Variants in EFCAB11 observed in about 807,000 individuals in gnomAD.
The protein encoded by EFCAB11 is EF-hand calcium-binding domain-containing protein 11.
EFCAB11 carries 14 observed loss-of-function variants against 23.0 expected under a neutral mutation model. The observed-to-expected ratio is 0.61, with a 90% confidence interval of 0.40 to 0.95. The LOEUF (loss-of-function observed/expected upper bound fraction) is 0.95. Among genes scored for constraint, EFCAB11 ranks in the 40% least tolerant of loss-of-function variants. The probability of loss-of-function intolerance (pLI) is 0.00; values close to 1 mark genes in which losing one functional copy is unlikely to be tolerated. For synonymous variants in EFCAB11, 65 were observed against 66.6 expected (o/e 0.98, Z 0.11); for missense variants, 198 against 195.8 (o/e 1.01, Z -0.07).
At chr14:89,891,788 G>A (rs1393672767) in intron 5 of EFCAB11, among the ~76,000 whole-genome samples, 1 of 152,108 alleles carries the variant, frequency 6.6e-6, no homozygotes, top group Non-Finnish European at 1.5e-5. Flanking sequence ...GGATAGGGAC[G>A]CGGCCATGGA....
intron 5 of EFCAB11, among the ~76,000 whole-genome samples, chr14:89,819,905 A>G (rs2140100252): frequency 6.6e-6 from 1 of 152,344 alleles, no homozygotes; most frequent in Admixed American, 6.5e-5. Flanking sequence ...TAGATAAAAA[A>G]TCATTTATAC....
intron 5 of EFCAB11, among the ~76,000 whole-genome samples, chr14:89,877,779 A>G (rs1220186684): frequency 6.6e-6 from 1 of 152,180 alleles, no homozygotes; most frequent in Non-Finnish European, 1.5e-5. Flanking sequence ...GTAAATCCTA[A>G]ATACAAATCA....
At chr14:89,877,194 C>T (rs926705895) in intron 5 of EFCAB11, among the ~76,000 whole-genome samples, 1 of 152,028 alleles carries the variant, frequency 6.6e-6, no homozygotes, top group African/African-American at 2.4e-5. Context: ...TGTGTGCCAC[C>T]ACACCTGGCT....
At chr14:89,900,099 T>G (rs1453681630) in intron 5 of EFCAB11, among the ~76,000 whole-genome samples, 1 of 152,194 alleles carries the variant, frequency 6.6e-6, no homozygotes, top group Non-Finnish European at 1.5e-5. Context: ...AAGAAGGTGC[T>G]GGTTATTGTG....
intron 5 of EFCAB11, among the ~76,000 whole-genome samples, chr14:89,824,019 A>T (rs1886610407): frequency 6.6e-6 from 1 of 152,196 alleles, no homozygotes; most frequent in Non-Finnish European, 1.5e-5. Context: ...AACATTCAAA[A>T]GAATGATGGC....
chr14:89,913,428 G>A (rs1889743406), intron 5 of EFCAB11, among the ~76,000 whole-genome samples: 1 of 152,188 alleles, frequency 6.6e-6, no homozygotes, highest in Non-Finnish European at 1.5e-5. Flanking sequence ...AACCTTGGGT[G>A]AGTCACATAC....
At chr14:89,863,597 A>G (rs1887996497) in intron 5 of EFCAB11, among the ~76,000 whole-genome samples, 1 of 152,214 alleles carries the variant, frequency 6.6e-6, no homozygotes, top group African/African-American at 2.4e-5. Context: ...TTTTCTTCCC[A>G]AAGAGATCAT....
At chr14:89,845,751 T>C (rs1887411561) in intron 5 of EFCAB11, among the ~76,000 whole-genome samples, 1 of 152,156 alleles carries the variant, frequency 6.6e-6, no homozygotes, top group East Asian at 1.9e-4. Flanking sequence ...ACACTGTGAT[T>C]CTGTGCTTTA....
Position 89,812,238 on chromosome 14 carries a change from C to A in EFCAB11, c.411-14914G>T, listed in dbSNP as rs560146651. On this transcript the variant is annotated intron_variant, in intron 5 of 5. Coordinates refer to ENST00000316738, the MANE Select transcript of EFCAB11 (RefSeq NM_145231.4). ...CCAAAATATGAAATAACTAGAAATA[C>A]CTTAATAAGAAATGTGTTGAATTTA... is the stretch of plus-strand genomic sequence containing the variant. Among the ~76,000 whole-genome samples the A allele has an allele frequency of 4.3e-4, 66 of 152,186 alleles. No individual in the cohort carries two copies. In the South Asian group the frequency reaches 8.5e-3, roughly 20 times the overall value.
intron 5 of EFCAB11, among the ~76,000 whole-genome samples, chr14:89,923,030 T>A (rs1404751569): frequency 1.3e-5 from 2 of 152,160 alleles, no homozygotes; most frequent in Non-Finnish European, 2.9e-5. Flanking sequence ...AGACTAAATA[T>A]TCCTTCCAAT....
At chr14:89,930,890 A>G (rs1220564376) in intron 5 of EFCAB11, among the ~76,000 whole-genome samples, 2 of 152,174 alleles carry the variant, frequency 1.3e-5, no homozygotes, top group African/African-American at 4.8e-5. Context: ...CAGAGAAGAG[A>G]CAGCTCTGCT....
intron 5 of EFCAB11, among the ~76,000 whole-genome samples, chr14:89,849,854 G>A (rs1350207403): frequency 6.6e-6 from 1 of 152,118 alleles, no homozygotes; most frequent in Non-Finnish European, 1.5e-5. Context: ...TGTAATTTCA[G>A]CAGGATTAAT....
chr14:89,813,060 G>C (rs1216837151), intron 5 of EFCAB11, among the ~76,000 whole-genome samples: 1 of 152,128 alleles, frequency 6.6e-6, no homozygotes, highest in East Asian at 1.9e-4. Flanking sequence ...AAAGAGAACA[G>C]AAAAGGCTAA....
At chr14:89,862,385 C>G (rs1361329519) in intron 5 of EFCAB11, among the ~76,000 whole-genome samples, 4 of 152,046 alleles carry the variant, frequency 2.6e-5, no homozygotes, top group Admixed American at 6.5e-5. Context: ...TCCTGTAACA[C>G]TTTTGATATA....
chr14:89,898,498 G>A (rs1889239528), intron 5 of EFCAB11, among the ~76,000 whole-genome samples: 2 of 151,984 alleles, frequency 1.3e-5, no homozygotes, highest in Admixed American at 1.3e-4. Context: ...CTGAGTGGCT[G>A]GAACTATAGG....
At chr14:89,870,367 G>C (rs186671282) in intron 5 of EFCAB11, among the ~76,000 whole-genome samples, 5 of 152,238 alleles carry the variant, frequency 3.3e-5, no homozygotes, top group Non-Finnish European at 5.9e-5. Flanking sequence ...CCATTTTCCT[G>C]TCAGACATTC....
intron 2 of EFCAB11, among the ~76,000 whole-genome samples, chr14:89,952,017 G>T (rs889878134): frequency 6.6e-6 from 1 of 152,170 alleles, no homozygotes; most frequent in South Asian, 2.1e-4. Context: ...CCTGCAGTCA[G>T]TGAATATTTC....
chr14:89,922,503 A>G (rs1181609697), intron 5 of EFCAB11, among the ~76,000 whole-genome samples: 2 of 152,310 alleles, frequency 1.3e-5, no homozygotes, highest in Non-Finnish European at 2.9e-5. Context: ...GATTTGTGGA[A>G]AAATGGGTCA....
chr14:89,937,963 A>G (rs2139821739), intron 3 of EFCAB11: 1 of 152,116 alleles, frequency 6.6e-6, no homozygotes, highest in East Asian at 1.9e-4. Flanking sequence ...TAGGAGGGTA[A>G]TCATCTTTCA....
Sources: allele counts gnomAD v4.1 joint callset (sites outside exome capture counted in the v4.1 genomes callset), GRCh38; gene constraint gnomAD v4.1.1; transcripts MANE v1.5; gene names NCBI Gene and HGNC (gene_info 2026-07-23, HGNC 2026-07-21).